LGSN: variants seen among roughly 807,000 people sequenced by gnomAD.
The protein encoded by LGSN is lengsin.
LGSN carries 21 observed loss-of-function variants against 19.5 expected under a neutral mutation model. The observed-to-expected ratio is 1.07, with a 90% CI of 0.76 to 1.55. The LOEUF (loss-of-function observed/expected upper bound fraction) is 1.55. LGSN is among the 40% of genes most tolerant of loss of function. LGSN has a pLI of 0.00. For missense variants in LGSN, 673 were observed against 608.5 expected (o/e 1.11, Z -1.12); for synonymous variants, 257 against 215.6 (o/e 1.19, Z -1.68).
the LGSN span, among the ~76,000 whole-genome samples, chr6:63,562,184 T>A: frequency 6.6e-6 from 1 of 151,506 alleles, no homozygotes; most frequent in East Asian, 1.9e-4. Context: ...TTAAAGACAT[T>A]AAGATATTTT....
chr6:63,572,869 T>G, the LGSN span: 1 of 389,094 alleles, frequency 2.6e-6, no homozygotes, highest in East Asian at 3.7e-5. Flanking sequence ...GGGCGGGTTA[T>G]GGCCCTGTGG....
At chr6:63,316,792 G>T (rs1210909908) in intron 1 of LGSN, among the ~76,000 whole-genome samples, 3 of 151,792 alleles carry the variant, frequency 2.0e-5, no homozygotes, top group East Asian at 3.9e-4. Flanking sequence ...ATGATAATGG[G>T]CTCTGTAATA....
chr6:63,447,218 G>A, the LGSN span, among the ~76,000 whole-genome samples: 1 of 152,148 alleles, frequency 6.6e-6, no homozygotes, highest in Admixed American at 6.5e-5. Context: ...AAACAGTTGT[G>A]GAATGGAATA....
the LGSN span, among the ~76,000 whole-genome samples, chr6:63,471,487 G>A: frequency 6.6e-6 from 1 of 151,728 alleles, no homozygotes; most frequent in African/African-American, 2.4e-5. Context: ...CCAACATGGT[G>A]AAACCCTGTG....
the LGSN span, among the ~76,000 whole-genome samples, chr6:63,462,523 G>C: frequency 6.6e-6 from 1 of 152,220 alleles, no homozygotes. Flanking sequence ...TGTAGTCCCA[G>C]CTACTTGGGA....
the LGSN span, among the ~76,000 whole-genome samples, chr6:63,376,835 G>A: frequency 6.6e-6 from 1 of 152,168 alleles, no homozygotes; most frequent in Non-Finnish European, 1.5e-5. Context: ...CATACAAAGT[G>A]CATTTTAACA....
At chr6:63,504,127 T>C in the LGSN span, among the ~76,000 whole-genome samples, 1 of 152,056 alleles carries the variant, frequency 6.6e-6, no homozygotes, top group Non-Finnish European at 1.5e-5. Flanking sequence ...TTTCAACCCA[T>C]ATTTAATAAA....
the LGSN span, among the ~76,000 whole-genome samples, chr6:63,442,107 C>T: frequency 1.3e-5 from 2 of 152,264 alleles, no homozygotes; most frequent in East Asian, 3.9e-4. Flanking sequence ...AAAGACAGCG[C>T]ATCTGGAGTT....
At chr6:63,285,270 T>C (rs1767479321) in intron 3 of LGSN, among the ~76,000 whole-genome samples, 1 of 152,182 alleles carries the variant, frequency 6.6e-6, no homozygotes, top group African/African-American at 2.4e-5. Context: ...TAAAATATAA[T>C]CTTCATAATT....
At chr6:63,306,300 G>A (rs1768382472) in intron 1 of LGSN, among the ~76,000 whole-genome samples, 2 of 152,134 alleles carry the variant, frequency 1.3e-5, no homozygotes, top group Non-Finnish European at 2.9e-5. Flanking sequence ...TTTATTTGAG[G>A]TGCTTCCTAC....
At chr6:63,478,959 C>A in the LGSN span, among the ~76,000 whole-genome samples, 1 of 152,094 alleles carries the variant, frequency 6.6e-6, no homozygotes, top group Non-Finnish European at 1.5e-5. Context: ...CTTACAGAGA[C>A]GTATAAAAGG....
At chr6:63,424,748 CA>C in the LGSN span, among the ~76,000 whole-genome samples, 2 of 151,948 alleles carry the variant, frequency 1.3e-5, no homozygotes, top group Non-Finnish European at 2.9e-5. Context: ...CCCATCTCTA[CA>C]AAAAGTTTAA....
At chr6:63,506,213 G>A in the LGSN span, among the ~76,000 whole-genome samples, 1 of 151,132 alleles carries the variant, frequency 6.6e-6, no homozygotes, top group Non-Finnish European at 1.5e-5. Flanking sequence ...TTTTCTCATG[G>A]AAAGGAGATA....
At chr6:63,400,463 C>T in the LGSN span, among the ~76,000 whole-genome samples, 1 of 152,222 alleles carries the variant, frequency 6.6e-6, no homozygotes, top group African/African-American at 2.4e-5. Flanking sequence ...CGCTAGATAA[C>T]AGTAGACGTC....
the LGSN span, among the ~76,000 whole-genome samples, chr6:63,492,454 C>T: frequency 6.6e-6 from 1 of 152,228 alleles, no homozygotes; most frequent in African/African-American, 2.4e-5. Context: ...AGTGACTTCA[C>T]AACACTTGTG....
At chr6:63,328,435 G>T in the LGSN span, among the ~76,000 whole-genome samples, 3 of 152,206 alleles carry the variant, frequency 2.0e-5, no homozygotes, top group Admixed American at 2.0e-4. Context: ...TAAGTAGGTT[G>T]TTGTCTGATA....
At chr6:63,572,430 G>C in the LGSN span, 2 of 368,452 alleles carry the variant, frequency 5.4e-6, no homozygotes, top group Non-Finnish European at 9.7e-6. Flanking sequence ...GGTGGCTGGA[G>C]GGTTGCACGT....
At chr6:63,512,966 G>C in the LGSN span, among the ~76,000 whole-genome samples, 1 of 152,322 alleles carries the variant, frequency 6.6e-6, no homozygotes, top group South Asian at 2.1e-4. Context: ...TATTGGGAAT[G>C]CTTTCAGCAG....
At chr6:63,546,859 T>C in the LGSN span, among the ~76,000 whole-genome samples, 6 of 152,234 alleles carry the variant, frequency 3.9e-5, no homozygotes, top group Non-Finnish European at 7.3e-5. Flanking sequence ...CAAAAAAATA[T>C]GTAAAGTGAT....
Sources: gnomAD v4.1 joint callset for allele counts (sites outside exome capture counted in the v4.1 genomes callset) on GRCh38, gnomAD v4.1.1 for gene constraint, MANE v1.5 for transcripts, NCBI Gene and HGNC (gene_info 2026-07-23, HGNC 2026-07-21) for gene names.